RSF1: variants seen among roughly 807,000 people sequenced by gnomAD.
The protein encoded by RSF1 is HBV pX-associated protein 8.
Under a neutral mutation model 145.2 loss-of-function variants are expected in RSF1, and 13 were observed. The ratio of observed to expected loss-of-function variants is 0.09; its 90% confidence interval spans 0.06 to 0.14. The LOEUF is 0.14. Ranked by LOEUF, RSF1 falls within the 10% of genes least tolerant of loss-of-function variation. RSF1 has a pLI of 1.00. For missense variants in RSF1, 1,517 were observed against 1,718.2 expected (o/e 0.88, Z 2.07); for synonymous variants, 577 against 592.6 (o/e 0.97, Z 0.38).
intron 1 of RSF1, among the ~76,000 whole-genome samples, chr11:77,767,725 TC>T (rs1236169525): frequency 3.9e-5 from 6 of 152,322 alleles, no homozygotes; most frequent in East Asian, 1.9e-4. Context: ...AACCTTTTTG[TC>T]CCTGGAACAC....
intron 1 of RSF1, among the ~76,000 whole-genome samples, chr11:77,778,510 A>AT (rs1948371576): frequency 6.6e-6 from 1 of 152,156 alleles, no homozygotes; most frequent in African/African-American, 2.4e-5. Flanking sequence ...TAAGAGCATG[A>AT]TAAAGTCCCC....
intron 1 of RSF1, among the ~76,000 whole-genome samples, chr11:77,805,945 A>G (rs1471249714): frequency 3.3e-5 from 5 of 152,208 alleles, no homozygotes; most frequent in African/African-American, 2.4e-5. Flanking sequence ...CCTACTCAAA[A>G]CACTTTGCAT....
At chr11:77,752,156 GTTAT>G (rs1948069628) in intron 2 of RSF1, among the ~76,000 whole-genome samples, 1 of 152,098 alleles carries the variant, frequency 6.6e-6, no homozygotes, top group Non-Finnish European at 1.5e-5. Flanking sequence ...AGCCCAAGAA[GTTAT>G]TTATTTTTCT....
At chr11:77,739,521 A>G (rs984625582) in intron 4 of RSF1, 3 of 152,232 alleles carry the variant, frequency 2.0e-5, no homozygotes, top group African/African-American at 7.2e-5. Context: ...TTATGAAACA[A>G]TCTCCCATGA....
intron 5 of RSF1, among the ~76,000 whole-genome samples, chr11:77,716,403 A>T (rs2135874602): frequency 6.6e-6 from 1 of 152,370 alleles, no homozygotes; most frequent in East Asian, 1.9e-4. Context: ...GGATAAAGAA[A>T]ATATGATCTA....
At chr11:77,869,946 G>A in the RSF1 span, 2 of 788,288 alleles carry the variant, frequency 2.5e-6, no homozygotes, top group Admixed American at 4.3e-5. Flanking sequence ...ACCCAGGATA[G>A]CAGTGGCTGC....
At position 77,667,020 on chromosome 11, in the gene RSF1, C is replaced by T. The variant is rs749503804; in HGVS notation, c.4223G>A (p.Gly1408Glu). The change falls in exon 16 of 16, where the codon GGG (glycine) becomes GAG (glutamate). Residue 1408 changes from glycine (G) to glutamate (E), a missense_variant. Physicochemically the swap from Gly to Glu is moderately conservative, Grantham distance 98. Around this residue, in one of 12 missense-constraint regions of RSF1, gnomAD observed 240 missense variants for 231.8 expected, o/e 1.04. Coordinates refer to ENST00000308488, the MANE Select transcript of RSF1 (RefSeq NM_016578.4). ...STASASLASNGTSGGQEAGAP... is the reference protein window; with the variant it reads ...STASASLASNETSGGQEAGAP... ...TCCTGCCTCCTGCCCACCACTTGTC[C>T]CATTGGAGGCTAGGCTTGCACTGGC... 4 of 1,613,402 alleles carry T rather than the reference C, an allele frequency of 2.5e-6. No individual in the cohort carries two copies. Among genetic ancestry groups the T allele is most frequent in the Admixed American group, 3.3e-5 (2 of 59,980 alleles).
At chr11:77,839,972 TAAAAA>T in the RSF1 span, among the ~76,000 whole-genome samples, 1 of 152,012 alleles carries the variant, frequency 6.6e-6, no homozygotes, top group Non-Finnish European at 1.5e-5. Flanking sequence ...TCCTGGAACG[TAAAAA>T]AGATGTTACA....
At chr11:77,867,384 T>C in the RSF1 span, among the ~76,000 whole-genome samples, 3 of 152,196 alleles carry the variant, frequency 2.0e-5, no homozygotes, top group Non-Finnish European at 4.4e-5. Flanking sequence ...GTTTCCCACT[T>C]GGGTTTATTC....
Position 77,667,345 on chromosome 11 carries a change from G to C in RSF1, c.3898C>G (p.Leu1300Val). 6.2e-7 allele frequency: 1 copy of C among 1,613,980 alleles called. No homozygotes were observed. Among genetic ancestry groups the C allele is most frequent in the Non-Finnish European group, 8.5e-7 (1 of 1,179,920 alleles). ...TCCTCATCCGTCTCAATCCGGTGTA[G>C]CCGTTTGCGGGATGGTTTGCCTTCC... ...EEEGKPSRKR[L>V]HRIETDEEES... The change falls in exon 16 of 16, where the codon CTA (leucine) becomes GTA (valine). Residue 1300 changes from leucine to valine, a missense_variant. Around this residue, in one of 12 missense-constraint regions of RSF1, gnomAD observed 240 missense variants for 231.8 expected, o/e 1.04. Coordinates refer to ENST00000308488, the MANE Select transcript of RSF1 (RefSeq NM_016578.4).
intron 9 of RSF1, among the ~76,000 whole-genome samples, chr11:77,686,224 G>T (rs1959999847): frequency 6.6e-6 from 1 of 151,848 alleles, no homozygotes; most frequent in South Asian, 2.1e-4. Context: ...AACACAGTGA[G>T]ACGCCTGTTT....
At chr11:77,869,093 A>G in the RSF1 span, 1 of 286,448 alleles carries the variant, frequency 3.5e-6, no homozygotes, top group Non-Finnish European at 6.7e-6. Flanking sequence ...CCTGTCTCAT[A>G]GATTCACATG....
chr11:77,856,300 C>G, the RSF1 span, among the ~76,000 whole-genome samples: 2 of 152,186 alleles, frequency 1.3e-5, no homozygotes, highest in African/African-American at 4.8e-5. Flanking sequence ...GCCTGGACTT[C>G]ACTGTCCATT....
At chr11:77,801,291 G>T (rs921794558) in intron 1 of RSF1, among the ~76,000 whole-genome samples, 1 of 152,124 alleles carries the variant, frequency 6.6e-6, no homozygotes, top group East Asian at 1.9e-4. Flanking sequence ...AGCCGGGTGT[G>T]GTGGCACATG....
At chr11:77,763,357 A>AG (rs35701720) in intron 2 of RSF1, 1 of 150,714 alleles carries the variant, frequency 6.6e-6, no homozygotes, top group African/African-American at 2.4e-5. Context: ...AAAAAAAAAA[A>AG]GATTAAAAGA....
chr11:77,788,403 T>C (rs1590887700), intron 1 of RSF1, among the ~76,000 whole-genome samples: 2 of 145,446 alleles, frequency 1.4e-5, no homozygotes, highest in Middle Eastern at 7.4e-3. Context: ...TTGAGTGAGA[T>C]AAGGTTAATA....
intron 4 of RSF1, among the ~76,000 whole-genome samples, chr11:77,740,247 C>T (rs1485697784): frequency 1.3e-5 from 2 of 152,166 alleles, no homozygotes; most frequent in African/African-American, 2.4e-5. Context: ...TGGTGGCACA[C>T]GCCTGTAATC....
At chr11:77,797,309 C>G (rs1330223484) in intron 1 of RSF1, among the ~76,000 whole-genome samples, 38 of 152,152 alleles carry the variant, frequency 2.5e-4, no homozygotes. Flanking sequence ...GGTACCAAAA[C>G]AGATATATAG....
At chr11:77,694,900 T>A (rs922920160) in intron 7 of RSF1, among the ~76,000 whole-genome samples, 3 of 152,100 alleles carry the variant, frequency 2.0e-5, no homozygotes, top group Non-Finnish European at 4.4e-5. Context: ...GAAATTTGAG[T>A]TTGTTTGATG....
Sources: allele counts gnomAD v4.1 joint callset (sites outside exome capture counted in the v4.1 genomes callset), GRCh38; gene constraint gnomAD v4.1.1; regional missense constraint gnomAD v4.1.1; transcripts MANE v1.5; gene names NCBI Gene and HGNC (gene_info 2026-07-23, HGNC 2026-07-21).